Variants in AFAP1 observed in about 807,000 individuals in gnomAD.
AFAP1 encodes the protein actin filament associated protein 1, also known as actin filament-associated protein 1.
AFAP1 carries 75 observed loss-of-function variants against 93.9 expected under a neutral mutation model. The ratio of observed to expected loss-of-function variants is 0.80; its 90% confidence interval spans 0.66 to 0.97. AFAP1 has a LOEUF of 0.97. AFAP1 is among the 50% of genes least tolerant of loss of function. The probability of loss-of-function intolerance (pLI) is 0.00; values close to 1 mark genes in which losing one functional copy is unlikely to be tolerated. For synonymous variants in AFAP1, 517 were observed against 430.7 expected (o/e 1.20, Z -2.48); for missense variants, 1,201 against 1,050.8 (o/e 1.14, Z -1.98).
chr4:7,891,174 A>C (rs1718447829), intron 1 of AFAP1, among the ~76,000 whole-genome samples: 1 of 152,116 alleles, frequency 6.6e-6, no homozygotes, highest in Non-Finnish European at 1.5e-5. Flanking sequence ...ACAAGCCCAA[A>C]AGGCATGCTA....
chr4:7,827,982 G>A (rs988679087), intron 6 of AFAP1, among the ~76,000 whole-genome samples: 6 of 152,146 alleles, frequency 3.9e-5, no homozygotes, highest in Non-Finnish European at 8.8e-5. Flanking sequence ...GGAAATGAAA[G>A]TGACTGAACA....
At chr4:7,839,538 T>C (rs779206462) in intron 5 of AFAP1, among the ~76,000 whole-genome samples, 4 of 152,186 alleles carry the variant, frequency 2.6e-5, no homozygotes, top group Non-Finnish European at 5.9e-5. Context: ...TAACCTATAT[T>C]GCTTGTTATC....
chr4:7,791,992 C>A (rs1717905847), intron 11 of AFAP1, among the ~76,000 whole-genome samples: 1 of 152,238 alleles, frequency 6.6e-6, no homozygotes, highest in Middle Eastern at 3.4e-3. Context: ...TTTGTAAACC[C>A]AGTTAATGTC....
intron 4 of AFAP1, among the ~76,000 whole-genome samples, chr4:7,848,924 A>T (rs764469455): frequency 6.6e-6 from 1 of 152,216 alleles, no homozygotes; most frequent in Non-Finnish European, 1.5e-5. Context: ...ACTGCATAAA[A>T]GCAACGGCAA....
At position 7,763,307 on chromosome 4, in the gene AFAP1, G is replaced by A. The variant is rs115140150; in HGVS notation, c.*458C>T. 3.4e-3 allele frequency: 598 copies of A among 173,778 alleles called. 4 individuals are homozygous for A. The highest frequency in any genetic ancestry group is 0.013 in the African/African-American group (548 of 41,282). The allele number at this position is 173,778 out of a possible 1,614,324, so 10.8% of individuals were successfully genotyped here. ...TATGCCCCTGGCCCTCCTGGTGGGC[G>A]TGCAAGGCGAGCCCAGTGCCCATGG... On this transcript the variant is annotated 3_prime_UTR_variant, in exon 18 of 18. Coordinates refer to ENST00000420658, the MANE Select transcript of AFAP1 (RefSeq NM_001134647.2).
intron 6 of AFAP1, among the ~76,000 whole-genome samples, chr4:7,820,973 C>G (rs1320391936): frequency 1.3e-5 from 2 of 152,108 alleles, no homozygotes; most frequent in Non-Finnish European, 2.9e-5. Flanking sequence ...ACAAAATTAG[C>G]CGGGTGTGGT....
At chr4:7,936,944 C>A (rs548320068) in intron 1 of AFAP1, among the ~76,000 whole-genome samples, 1 of 152,236 alleles carries the variant, frequency 6.6e-6, no homozygotes, top group East Asian at 1.9e-4. Context: ...CTACTCAAGG[C>A]ACTCTCAAAA....
intron 1 of AFAP1, among the ~76,000 whole-genome samples, chr4:7,890,441 C>G (rs978033196): frequency 1.3e-5 from 2 of 152,038 alleles, no homozygotes; most frequent in African/African-American, 4.8e-5. Flanking sequence ...AAAACATAGG[C>G]AAAAATATTT....
intron 17 of AFAP1, among the ~76,000 whole-genome samples, chr4:7,767,344 G>A (rs375215557): frequency 2.6e-5 from 4 of 152,172 alleles, no homozygotes; most frequent in East Asian, 1.9e-4. Flanking sequence ...GAGCCCTTTT[G>A]AGGGTCGGGA....
chr4:7,796,224 G>A (rs1178128116), intron 10 of AFAP1, among the ~76,000 whole-genome samples: 1 of 152,152 alleles, frequency 6.6e-6, no homozygotes, highest in Non-Finnish European at 1.5e-5. Flanking sequence ...ATGCTTTTGG[G>A]GAACGGCTGA....
chr4:7,769,132 G>C, intron 16 of AFAP1, 124 bp from the exon 17 acceptor site: 1 of 1,293,822 alleles, frequency 7.7e-7, no homozygotes. Flanking sequence ...AACAGCAGTA[G>C]CAGCAAGGAC....
intron 1 of AFAP1, among the ~76,000 whole-genome samples, chr4:7,932,856 C>T (rs1183158542): frequency 6.6e-6 from 1 of 151,888 alleles, no homozygotes; most frequent in Non-Finnish European, 1.5e-5. Flanking sequence ...CCTGTCTCTA[C>T]AAAAAATACA....
intron 6 of AFAP1, among the ~76,000 whole-genome samples, chr4:7,834,491 T>TC (rs2149098803): frequency 6.6e-6 from 1 of 152,224 alleles, no homozygotes; most frequent in South Asian, 2.1e-4. Context: ...CACCACCTGT[T>TC]CCCCAATAAC....
intron 1 of AFAP1, among the ~76,000 whole-genome samples, chr4:7,898,385 G>A (rs1718909432): frequency 6.6e-6 from 1 of 151,890 alleles, no homozygotes; most frequent in African/African-American, 2.4e-5. Flanking sequence ...TCCAGCCTGG[G>A]TGACAAGAGT....
intron 1 of AFAP1, among the ~76,000 whole-genome samples, chr4:7,900,150 C>T (rs2149216276): frequency 6.6e-6 from 1 of 152,230 alleles, no homozygotes; most frequent in Middle Eastern, 3.4e-3. Flanking sequence ...TGCAAGAATG[C>T]CATTCTCAAT....
chr4:7,875,017 G>T (rs1717403370), intron 1 of AFAP1, among the ~76,000 whole-genome samples: 1 of 152,086 alleles, frequency 6.6e-6, no homozygotes, highest in South Asian at 2.1e-4. Context: ...AAAAGTTTCA[G>T]ATCTGAGATC....
chr4:7,778,118 C>T (rs67725344), intron 14 of AFAP1: 14,851 of 153,078 alleles, frequency 0.097, 1,226 homozygotes, highest in East Asian at 0.48. Context: ...CTGTGATTTA[C>T]CAGCTGTGAG....
chr4:7,867,075 A>AGGGGAGGAGAAGGGAGGGGAG (rs1716487336), intron 3 of AFAP1, among the ~76,000 whole-genome samples: 2 of 77,558 alleles, frequency 2.6e-5, no homozygotes, highest in East Asian at 8.8e-4. Context: ...GGGGAGGAGA[A>AGGGGAGGAGAAGGGAGGGGAG]GGGAGGGGAG....
intron 1 of AFAP1, among the ~76,000 whole-genome samples, chr4:7,904,915 C>T (rs1413657670): frequency 6.6e-6 from 1 of 152,070 alleles, no homozygotes; most frequent in Non-Finnish European, 1.5e-5. Flanking sequence ...TGCTATGTTG[C>T]CCAGACTGGT....
Sources: allele counts gnomAD v4.1 joint callset (sites outside exome capture counted in the v4.1 genomes callset), GRCh38; gene constraint gnomAD v4.1.1; transcripts MANE v1.5; gene names NCBI Gene and HGNC (gene_info 2026-07-23, HGNC 2026-07-21).